Variants in NRXN1 observed in about 807,000 individuals in gnomAD.
NRXN1 encodes the protein neurexin 1.
A neutral mutation model predicts 150.9 loss-of-function variants in NRXN1; 39 were observed. The observed-to-expected ratio is 0.26, with a 90% CI of 0.20 to 0.34. NRXN1 has a LOEUF of 0.34. NRXN1 is among the 10% of genes least tolerant of loss of function. NRXN1 has a pLI of 1.00. For synonymous variants in NRXN1, 924 were observed against 757.0 expected, an observed-to-expected ratio of 1.22 and a Z score of -3.62; for missense variants, 1,815 against 1,949.9, an observed-to-expected ratio of 0.93 and a Z score of 1.30.
chr2:50,994,459 C>G (rs1056677384), intron 2 of NRXN1, among the ~76,000 whole-genome samples: 1 of 151,986 alleles, frequency 6.6e-6, no homozygotes, highest in East Asian at 1.9e-4. Flanking sequence ...TATATTATCA[C>G]GACTTTTGTT....
At chr2:50,435,300 A>G (rs900806309) in intron 17 of NRXN1, among the ~76,000 whole-genome samples, 2 of 152,170 alleles carry the variant, frequency 1.3e-5, no homozygotes, top group Admixed American at 6.5e-5. Context: ...CTTCATTTAT[A>G]ATGAATAAAT....
At chr2:49,931,764 G>T (rs1244140042) in intron 22 of NRXN1, among the ~76,000 whole-genome samples, 1 of 152,036 alleles carries the variant, frequency 6.6e-6, no homozygotes, top group African/African-American at 2.4e-5. Flanking sequence ...TTTGAAATGT[G>T]GATGATACTC....
rs760530144 is a variant in NRXN1 at position 50,334,209 on chromosome 2, A to ATATATATATATATG, written c.3365-97240_3365-97239insCATATATATATATA. Among the ~76,000 whole-genome samples, 43 of 121,474 alleles carry ATATATATATATATG rather than the reference A, an allele frequency of 3.5e-4. 1 individual carries two copies. The highest frequency in any genetic ancestry group is 7.0e-4 in the African/African-American group (16 of 22,886). 79.7% of individuals were successfully genotyped at this position (121,474 alleles called of 152,430 possible). On this transcript the variant is annotated intron_variant, in intron 17 of 22. Transcript: ENST00000401669. ...CAGGACCAAATATATATATATATAT[A>ATATATATATATATG]TATGTATGTAGATATTGTTTAACGG... is the stretch of plus-strand genomic sequence containing the variant.
chr2:50,594,739 G>T (rs1181909703), intron 8 of NRXN1, among the ~76,000 whole-genome samples: 1 of 152,062 alleles, frequency 6.6e-6, no homozygotes, highest in East Asian at 1.9e-4. Context: ...ACAGCATTTT[G>T]AATCCTATAA....
intron 17 of NRXN1, among the ~76,000 whole-genome samples, chr2:50,259,907 T>A (rs2068079367): frequency 6.6e-6 from 1 of 151,866 alleles, no homozygotes; most frequent in Non-Finnish European, 1.5e-5. Context: ...TCATTTGTGG[T>A]GCATAGGTGA....
At chr2:50,617,528 A>G (rs1679254758) in intron 8 of NRXN1, among the ~76,000 whole-genome samples, 1 of 152,212 alleles carries the variant, frequency 6.6e-6, no homozygotes, top group South Asian at 2.1e-4. Flanking sequence ...CAGAAGAAGT[A>G]AAATGAAAAA....
At chr2:50,974,498 C>G (rs1352289908) in intron 2 of NRXN1, among the ~76,000 whole-genome samples, 3 of 152,074 alleles carry the variant, frequency 2.0e-5, no homozygotes. Context: ...GAAAGGCTGA[C>G]CTAAAATTGC....
At chr2:50,599,561 G>T (rs911825791) in intron 8 of NRXN1, among the ~76,000 whole-genome samples, 5 of 152,156 alleles carry the variant, frequency 3.3e-5, no homozygotes, top group Admixed American at 6.6e-5. Flanking sequence ...AATGAGTATT[G>T]CATGAAAGAG....
In NRXN1 at chr2:50,219,949, A is replaced by AT. The variant is rs1194758940; in HGVS notation, c.3546+16839dup. 8.4e-3 allele frequency among the ~76,000 whole-genome samples: 604 copies of AT among 71,632 alleles called. 9 individuals carry two copies. The highest frequency in any genetic ancestry group is 0.054 in the African/African-American group (586 of 10,906). The allele number at this position is 71,632 out of a possible 152,430, so 47.0% of individuals were successfully genotyped here. ...ATATTATATATATTATATATTATATATATAATATATATATTATATATATAT... is the reference window on the plus strand; with the variant it reads ...ATATTATATATATTATATATTATATATTATAATATATATATTATATATATAT... On this transcript the variant is annotated intron_variant, in intron 18 of 22. Coordinates refer to ENST00000401669, the MANE Select transcript of NRXN1 (RefSeq NM_001330078.2).
rs1460985621 is a variant in NRXN1 at position 50,552,945 on chromosome 2, T to G, written c.1401A>C (p.Gly467=). The part of the protein sequence containing the change: ...KQGDPKMKIH[G]VVAFKCENVA... ...CATTCTCACATTTAAATGCCACCACTCCATGGATCTTCATCTTAGGATCTC... is the reference window on the plus strand; with the variant it reads ...CATTCTCACATTTAAATGCCACCACGCCATGGATCTTCATCTTAGGATCTC... Residue 467 remains glycine, a synonymous_variant, in exon 9 of 23, where the codon GGA becomes GGC. Coordinates refer to ENST00000401669, the MANE Select transcript of NRXN1 (RefSeq NM_001330078.2). 2 of 1,613,670 alleles carry G rather than the reference T, an allele frequency of 1.2e-6. No individual in the cohort carries two copies. Among genetic ancestry groups the G allele is most frequent in the Non-Finnish European group, 1.7e-6 (2 of 1,179,752 alleles).
At chr2:50,572,862 A>C (rs1670859895) in intron 8 of NRXN1, among the ~76,000 whole-genome samples, 1 of 152,168 alleles carries the variant, frequency 6.6e-6, no homozygotes, top group Non-Finnish European at 1.5e-5. Context: ...CAAGGTATTG[A>C]GACATTTTGT....
intron 5 of NRXN1, among the ~76,000 whole-genome samples, chr2:50,881,316 T>G (rs1679392057): frequency 6.6e-6 from 1 of 151,924 alleles, no homozygotes; most frequent in Non-Finnish European, 1.5e-5. Flanking sequence ...GCTAATGTAC[T>G]TTGTTGCAAT....
At chr2:50,447,598 G>A (rs1006045908) in intron 17 of NRXN1, among the ~76,000 whole-genome samples, 1 of 145,726 alleles carries the variant, frequency 6.9e-6, no homozygotes, top group African/African-American at 2.5e-5. Context: ...TTACATCCAG[G>A]ATTTTCTTTG....
chr2:50,610,110 T>C (rs1234524521), intron 8 of NRXN1, among the ~76,000 whole-genome samples: 1 of 152,156 alleles, frequency 6.6e-6, no homozygotes, highest in Non-Finnish European at 1.5e-5. Flanking sequence ...CATAAGGACT[T>C]TGATCCAAAG....
chr2:50,374,155 G>C (rs1026518040), intron 17 of NRXN1, among the ~76,000 whole-genome samples: 1 of 151,608 alleles, frequency 6.6e-6, no homozygotes, highest in African/African-American at 2.4e-5. Context: ...AAAATAGCCG[G>C]CTGTAGTGGG....
intron 8 of NRXN1, chr2:50,619,102 T>C (rs7578913): frequency 3.3e-4 from 50 of 152,224 alleles, no homozygotes; most frequent in African/African-American, 1.1e-3. Flanking sequence ...CTGAATCAAG[T>C]TTATATGATT....
chr2:50,454,952 C>A (rs1210976458), intron 17 of NRXN1, among the ~76,000 whole-genome samples: 1 of 152,024 alleles, frequency 6.6e-6, no homozygotes, highest in Admixed American at 6.6e-5. Context: ...TCTCCACAGG[C>A]TGAATTTTCT....
chr2:50,393,475 C>T (rs955458706), intron 17 of NRXN1, among the ~76,000 whole-genome samples: 2 of 151,894 alleles, frequency 1.3e-5, no homozygotes, highest in Non-Finnish European at 2.9e-5. Context: ...AAACAGGAAA[C>T]TGTTAATTTA....
chr2:50,537,345 TGAA>T (rs2093285362), intron 10 of NRXN1, among the ~76,000 whole-genome samples: 1 of 152,190 alleles, frequency 6.6e-6, no homozygotes, highest in Non-Finnish European at 1.5e-5. Context: ...GTTCCATTGT[TGAA>T]AATAAGTGGC....
Sources: gnomAD v4.1 joint callset for allele counts (sites outside exome capture counted in the v4.1 genomes callset) on GRCh38, gnomAD v4.1.1 for gene constraint, MANE v1.5 for transcripts, NCBI Gene and HGNC (gene_info 2026-07-23, HGNC 2026-07-21) for gene names.